MAP3K13: variants seen among roughly 807,000 people sequenced by gnomAD.
MAP3K13 encodes leucine zipper-bearing kinase.
MAP3K13 carries 52 observed loss-of-function variants against 104.0 expected under a neutral mutation model. The ratio of observed to expected loss-of-function variants is 0.50; its 90% CI spans 0.40 to 0.63. The LOEUF is 0.63. Ranked by LOEUF, MAP3K13 falls within the 20% of genes least tolerant of loss-of-function variation. MAP3K13 has a pLI of 0.00. For missense variants in MAP3K13, 914 were observed against 1,218.5 expected, an observed-to-expected ratio of 0.75 and a Z score of 3.72; for synonymous variants, 394 against 442.2, an observed-to-expected ratio of 0.89 and a Z score of 1.37.
Position 185,473,583 on chromosome 3 carries a change from T to A in MAP3K13, c.2252T>A (p.Val751Glu), listed in dbSNP as rs199917567. The part of the protein sequence containing the change: ...GSLDIPSAEP[V>E]GRSPDLSKSP... The stretch of plus-strand genomic sequence containing the variant: ...TTAGACATACCCTCTGCTGAGCCAG[T>A]GGGGAGGAGCCCTGACCTTTCCAAG... The change falls in exon 11 of 14, where the codon GTG becomes GAG. Residue 751 changes from valine (V) to glutamate (E), a missense_variant. Coordinates refer to ENST00000265026, the MANE Select transcript of MAP3K13 (RefSeq NM_004721.5). The surrounding 1 kb of genome is among the most constrained non-coding windows in gnomAD (Gnocchi z 4.9). 1.5e-4 allele frequency: 245 copies of A among 1,614,030 alleles called. No homozygotes were observed. The highest frequency in any genetic ancestry group is 1.9e-4 in the Non-Finnish European group (220 of 1,180,026).
At chr3:185,283,898 CTTTTTTTTTTTTTTTT>C (rs1201384582) in intron 1 of MAP3K13, among the ~76,000 whole-genome samples, 1 of 127,410 alleles carries the variant, frequency 7.8e-6, no homozygotes, top group East Asian at 2.2e-4. Flanking sequence ...TTCTTTCTTT[CTTTTTTTTTTTTTTTT>C]TTTCTGAGAC....
At chr3:185,420,867 C>T (rs1457698362) in intron 1 of MAP3K13, among the ~76,000 whole-genome samples, 1 of 152,212 alleles carries the variant, frequency 6.6e-6, no homozygotes, top group Non-Finnish European at 1.5e-5. Context: ...TTTCTCTCTA[C>T]ATTGCATCCT....
chr3:185,471,517 T>C (rs944113545), intron 10 of MAP3K13, among the ~76,000 whole-genome samples: 36 of 142,798 alleles, frequency 2.5e-4, no homozygotes, highest in Admixed American at 5.3e-4. Context: ...TGGAGTGCAG[T>C]GGCACGATCT....
intron 1 of MAP3K13, among the ~76,000 whole-genome samples, chr3:185,411,132 G>A (rs1279041812): frequency 1.3e-5 from 2 of 152,040 alleles, no homozygotes; most frequent in African/African-American, 4.8e-5. Context: ...TTCAAGTAGA[G>A]TTGTCTTTTC....
chr3:185,326,791 G>A (rs1268670620), intron 2 of MAP3K13, among the ~76,000 whole-genome samples: 1 of 152,108 alleles, frequency 6.6e-6, no homozygotes, highest in African/African-American at 2.4e-5. Context: ...AGGCCACTAA[G>A]TTAAGAGTAT....
intron 2 of MAP3K13, among the ~76,000 whole-genome samples, chr3:185,430,918 A>C (rs577017410): frequency 1.3e-5 from 2 of 152,342 alleles, no homozygotes; most frequent in Admixed American, 6.5e-5. Context: ...AAAGAGGTTT[A>C]ATGGACCCAC....
chr3:185,448,707 G>T (rs1018387092), intron 5 of MAP3K13, among the ~76,000 whole-genome samples: 5 of 152,176 alleles, frequency 3.3e-5, no homozygotes, highest in African/African-American at 1.2e-4. Context: ...CCAGAAATAT[G>T]TAAGAGTGTT....
Position 185,450,864 on chromosome 3 carries a change from C to T in MAP3K13, c.1170-423C>T, listed in dbSNP as rs1181142293. Among the ~76,000 whole-genome samples the T allele has an allele frequency of 1.3e-5, 2 of 152,054 alleles. No individual in the cohort carries two copies. The highest frequency in any genetic ancestry group is 2.9e-5 in the Non-Finnish European group (2 of 67,988). ...CAGCACTTTAGGAGGCCGAGGCGGG[C>T]GTATCACGAGGTCAGGAGATCGAGA... On this transcript the variant is annotated intron_variant, in intron 6 of 13. Coordinates refer to ENST00000265026, the MANE Select transcript of MAP3K13 (RefSeq NM_004721.5). The surrounding 1 kb of genome is among the most constrained non-coding windows in gnomAD (Gnocchi z 4.2).
chr3:185,402,486 G>A (rs1712871461), intron 1 of MAP3K13, among the ~76,000 whole-genome samples: 2 of 152,152 alleles, frequency 1.3e-5, no homozygotes, highest in Admixed American at 6.5e-5. Context: ...TAAAATTTAA[G>A]TCTGTTTAAG....
In MAP3K13 at chr3:185,307,541, A is replaced by ACCCC. The variant is rs549544428; in HGVS notation, c.-86+21900_-86+21903dup. ...CTCTATAATTTCCATTTGGTGCACC[A>ACCCC]CCCCCTCCCCCGCCACCCCGAGATG... is the stretch of plus-strand genomic sequence containing the variant. On this transcript the variant is annotated intron_variant, in intron 2 of 14. Coordinates refer to the MAP3K13 transcript ENST00000424227. Among the ~76,000 whole-genome samples the ACCCC allele has an allele frequency of 5.3e-3, 380 of 71,060 alleles. 21 individuals are homozygous for ACCCC. Among genetic ancestry groups the ACCCC allele is most frequent in the African/African-American group, 0.014 (219 of 16,174 alleles). The allele number at this position is 71,060 out of a possible 152,430, so 46.6% of individuals were successfully genotyped here.
chr3:185,477,069 C>A (rs912904175), intron 11 of MAP3K13: 4 of 602,728 alleles, frequency 6.6e-6, no homozygotes, highest in South Asian at 1.5e-5. Flanking sequence ...AGAGCCATCA[C>A]CTCTCTGAGG....
intron 1 of MAP3K13, among the ~76,000 whole-genome samples, chr3:185,407,089 G>A (rs1436928713): frequency 2.0e-5 from 3 of 152,194 alleles, no homozygotes; most frequent in Non-Finnish European, 4.4e-5. Flanking sequence ...GATTATATGG[G>A]AAGGACACTC....
At position 185,486,498 on chromosome 3, in the gene MAP3K13, A is replaced by T. The variant is rs1179827409; in HGVS notation, c.*4042A>T. ...AACCGGGAAAATCTTGAATTGATGT[A>T]TGTTTCTTTGAGAACGACTCCACAG... On this transcript the variant is annotated 3_prime_UTR_variant, in exon 14 of 14. Coordinates refer to ENST00000265026, the MANE Select transcript of MAP3K13 (RefSeq NM_004721.5). The T allele has an allele frequency of 6.6e-6, 1 of 152,194 alleles. No individual in the cohort carries two copies. The highest frequency in any genetic ancestry group is 2.4e-5 in the African/African-American group (1 of 41,426). The allele number at this position is 152,194 out of a possible 1,614,324, so 9.4% of individuals were successfully genotyped here.
rs539247719 is a variant in MAP3K13 at position 185,450,229 on chromosome 3, C to T, written c.1169+171C>T. On this transcript the variant is annotated intron_variant, in intron 6 of 13. Coordinates refer to ENST00000265026, the MANE Select transcript of MAP3K13 (RefSeq NM_004721.5). The surrounding 1 kb of genome is among the most constrained non-coding windows in gnomAD (Gnocchi z 4.2). ...GGGCACGTTATTCAATATCAGTTTTCTCATTTGTAAAATAGAGACAACACT... is the reference window on the plus strand; with the variant it reads ...GGGCACGTTATTCAATATCAGTTTTTTCATTTGTAAAATAGAGACAACACT... 6.6e-6 allele frequency among the ~76,000 whole-genome samples: 1 copy of T among 152,228 alleles called. No homozygotes were observed. The highest frequency in any genetic ancestry group is 2.1e-4 in the South Asian group (1 of 4,822).
At position 185,489,008 on chromosome 3, in the gene MAP3K13, G is replaced by T. The variant is rs943045185; in HGVS notation, c.*6552G>T. ...CTCCCAGTGTTGTTTTCTGATGCCG[G>T]CTCCCTCTCTGTATTGAACGGCAAT... On this transcript the variant is annotated 3_prime_UTR_variant, in exon 14 of 14. Transcript: ENST00000265026. 1.3e-5 allele frequency: 2 copies of T among 152,130 alleles called. No individual in the cohort carries two copies. Among genetic ancestry groups the T allele is most frequent in the Non-Finnish European group, 2.9e-5 (2 of 68,042 alleles). 9.4% of individuals were successfully genotyped at this position (152,130 alleles called of 1,614,324 possible).
chr3:185,402,972 T>A (rs1712901627), intron 1 of MAP3K13, among the ~76,000 whole-genome samples: 1 of 152,126 alleles, frequency 6.6e-6, no homozygotes, highest in African/African-American at 2.4e-5. Flanking sequence ...ACTAGATATA[T>A]CTGACGCATG....
chr3:185,298,876 A>G (rs1391223988), intron 2 of MAP3K13, among the ~76,000 whole-genome samples: 2 of 152,232 alleles, frequency 1.3e-5, no homozygotes, highest in Non-Finnish European at 2.9e-5. Flanking sequence ...CACAACTGCA[A>G]GAGATTTTGT....
chr3:185,406,461 G>T (rs1713119805), intron 1 of MAP3K13, among the ~76,000 whole-genome samples: 1 of 152,122 alleles, frequency 6.6e-6, no homozygotes, highest in South Asian at 2.1e-4. Context: ...AAGAAAGAGG[G>T]AATAAATCAG....
At chr3:185,300,040 C>A (rs1205785596) in intron 2 of MAP3K13, among the ~76,000 whole-genome samples, 2 of 152,204 alleles carry the variant, frequency 1.3e-5, no homozygotes, top group African/African-American at 4.8e-5. Context: ...CACCATTCTA[C>A]TTCCCATTTC....
Sources: gnomAD v4.1 joint callset for allele counts (sites outside exome capture counted in the v4.1 genomes callset) on GRCh38, gnomAD v4.1.1 for gene constraint, Gnocchi (gnomAD v3.1) non-coding constraint, MANE v1.5 for transcripts, NCBI Gene and HGNC (gene_info 2026-07-23, HGNC 2026-07-21) for gene names.